Variants in RADIL observed in about 807,000 individuals in gnomAD.
The protein encoded by RADIL is ras-associating and dilute domain-containing protein.
Under a neutral mutation model 97.6 loss-of-function variants are expected in RADIL, and 99 were observed. That is an observed-to-expected ratio of 1.01 (90% CI 0.86 to 1.20). The LOEUF is 1.20. RADIL is among the 50% of genes most tolerant of loss of function. The pLI is 0.00. For missense variants in RADIL, 1,765 were observed against 1,498.9 expected (o/e 1.18, Z -2.93); for synonymous variants, 803 against 691.8 (o/e 1.16, Z -2.52).
In RADIL at chr7:4,860,608, G is replaced by A. The variant is rs1332799219; in HGVS notation, c.535+16997C>T. On this transcript the variant is annotated intron_variant, in intron 2 of 14. Coordinates refer to ENST00000399583, the MANE Select transcript of RADIL (RefSeq NM_018059.5). ...CATTCTTCTCCAAGCTCCCAACCAG[G>A]ATTCGGATCTTTGATTCCACCAAGC... 3 of 1,613,988 alleles carry A rather than the reference G, an allele frequency of 1.9e-6. No individual in the cohort carries two copies. In the Admixed American group the frequency reaches 5.0e-5, roughly 27 times the overall value.
chr7:4,800,081 C>T (rs984093493), intron 13 of RADIL, 90 bp downstream of exon 13: 36 of 1,443,614 alleles, frequency 2.5e-5, no homozygotes, highest in African/African-American at 4.2e-5. Context: ...CCTGTAGCCA[C>T]GTGGCCACGC....
Position 4,879,783 on chromosome 7 carries a change from CA to C in RADIL, c.-64-1581del, listed in dbSNP as rs1315349845. ...TAAACAGTGGAACCGCCCCAGCCTC[CA>C]AAGCTGACACTGCGAACTGGCCTCT... On this transcript the variant is annotated intron_variant, in intron 1 of 14. Coordinates refer to ENST00000399583, the MANE Select transcript of RADIL (RefSeq NM_018059.5). This position sits in a 1 kb window ranked among gnomAD's most constrained non-coding sequence, Gnocchi z 4.1. Among the ~76,000 whole-genome samples the C allele has an allele frequency of 5.5e-4, 84 of 152,312 alleles. No individual in the cohort carries two copies. The highest frequency in any genetic ancestry group is 2.0e-3 in the African/African-American group (83 of 41,566).
rs532368171 is a variant in RADIL at position 4,801,380 on chromosome 7, G to C, written c.2842+273C>G. 9.2e-4 allele frequency among the ~76,000 whole-genome samples: 140 copies of C among 152,312 alleles called. 1 individual carries two copies. The highest frequency in any genetic ancestry group is 3.2e-3 in the African/African-American group (132 of 41,560). On this transcript the variant is annotated intron_variant, in intron 12 of 14. Coordinates refer to ENST00000399583, the MANE Select transcript of RADIL (RefSeq NM_018059.5). ...ATCCCTTCCTCTGCCCAGTGCAGGA[G>C]TGACTCTGAGCCACTTTCTAGACTC...
In RADIL at chr7:4,872,012, G is replaced by A. The variant is rs1028022051; in HGVS notation, c.535+5593C>T. 7.9e-5 allele frequency among the ~76,000 whole-genome samples: 12 copies of A among 152,168 alleles called. No individual in the cohort carries two copies. Among genetic ancestry groups the A allele is most frequent in the African/African-American group, 2.7e-4 (11 of 41,440 alleles). The stretch of plus-strand genomic sequence containing the variant: ...ACGCATGAATGCCAAGACTCTGCAC[G>A]TCACCATCCCTGAGACCCTGGGTTT... On this transcript the variant is annotated intron_variant, in intron 2 of 14. Transcript: ENST00000399583. This position sits in a 1 kb window ranked among gnomAD's most constrained non-coding sequence, Gnocchi z 5.8.
Position 4,849,618 on chromosome 7 carries a change from G to A in RADIL, c.536-13013C>T, listed in dbSNP as rs1198769230. The stretch of plus-strand genomic sequence containing the variant: ...GTTATCTGCAACAAACCTGCAGACC[G>A]AATGGCAGGTGGCTTGGAAGAATGT... On this transcript the variant is annotated intron_variant, in intron 2 of 14. Transcript: ENST00000399583. This position sits in a 1 kb window ranked among gnomAD's most constrained non-coding sequence, Gnocchi z 5.4. 6.6e-6 allele frequency among the ~76,000 whole-genome samples: 1 copy of A among 152,180 alleles called. No individual in the cohort carries two copies. Among genetic ancestry groups the A allele is most frequent in the Admixed American group, 6.5e-5 (1 of 15,272 alleles).
At position 4,878,041 on chromosome 7, in the gene RADIL, G is replaced by C. The variant is rs1209761849; in HGVS notation, c.99C>G (p.Ser33Arg). ...LLSSMLSRTL[S>R]YKYRDLDSTF... ...TGGAGTCCAGGTCCCGGTACTTGTA[G>C]CTCAGCGTCCGGGACAGCATGCTGG... Residue 33 changes from serine (S) to arginine (R), a missense_variant, in exon 2 of 15, where the codon AGC becomes AGG. By Grantham distance (110) the Ser-to-Arg change is moderately radical. Coordinates refer to ENST00000399583, the MANE Select transcript of RADIL (RefSeq NM_018059.5). This position sits in a 1 kb window ranked among gnomAD's most constrained non-coding sequence, Gnocchi z 4.1. 6.2e-7 allele frequency: 1 copy of C among 1,607,672 alleles called. No homozygotes were observed. The highest frequency in any genetic ancestry group is 8.5e-7 in the Non-Finnish European group (1 of 1,177,924).
chr7:4,869,702 T>G (rs1158211909), intron 2 of RADIL, among the ~76,000 whole-genome samples: 1 of 152,204 alleles, frequency 6.6e-6, no homozygotes, highest in African/African-American at 2.4e-5. Context: ...TGTCTCTTCC[T>G]GCCCCTAAAA....
chr7:4,816,178 T>C, intron 8 of RADIL, 50 bp downstream of exon 8: 4 of 1,534,754 alleles, frequency 2.6e-6, no homozygotes, highest in Non-Finnish European at 1.8e-6. Context: ...GCAGCCGTCA[T>C]GTCCAGGAAT....
At chr7:4,841,737 G>A (rs1783444711) in intron 2 of RADIL, among the ~76,000 whole-genome samples, 1 of 152,188 alleles carries the variant, frequency 6.6e-6, no homozygotes, top group Non-Finnish European at 1.5e-5. Context: ...TGGGGTCCCA[G>A]CCTCAGAAGC....
Position 4,799,440 on chromosome 7 carries a change from G to A in RADIL, c.3166C>T (p.Leu1056=), listed in dbSNP as rs985451474. Residue 1056 remains leucine, a synonymous_variant, in exon 15 of 15, where the codon CTG becomes TTG. Transcript: ENST00000399583. ...GTTTCCACGTCGGACTTCGCGACCA[G>A]GAACCGCATCTTCTTCCCGCCATGA... is the stretch of plus-strand genomic sequence containing the variant. ...IRHGGKKMRF[L]VAKSDVETAK... 1.9e-6 allele frequency: 3 copies of A among 1,613,726 alleles called. No homozygotes were observed. Among genetic ancestry groups the A allele is most frequent in the South Asian group, 1.1e-5 (1 of 91,080 alleles).
intron 2 of RADIL, chr7:4,860,256 A>G: frequency 6.2e-7 from 1 of 1,613,966 alleles, no homozygotes; most frequent in Non-Finnish European, 8.5e-7. Flanking sequence ...CTGTCGTTCA[A>G]ATCTGTCAAT....
At chr7:4,861,832 G>A (rs1356880666) in intron 2 of RADIL, 2 of 1,256,760 alleles carry the variant, frequency 1.6e-6, no homozygotes, top group South Asian at 1.9e-5. Context: ...CGCCCCGCCA[G>A]GGCACGTCCC....
Position 4,817,798 on chromosome 7 carries a change from G to A in RADIL, c.1616-447C>T, listed in dbSNP as rs1222987453. Among the ~76,000 whole-genome samples the A allele has an allele frequency of 6.6e-6, 1 of 152,186 alleles. No homozygotes were observed. Among genetic ancestry groups the A allele is most frequent in the Admixed American group, 6.5e-5 (1 of 15,288 alleles). On this transcript the variant is annotated intron_variant, in intron 6 of 14. Transcript: ENST00000399583. This position sits in a 1 kb window ranked among gnomAD's most constrained non-coding sequence, Gnocchi z 8.3. ...TGTGGAATCATAAGTCTTTTGGGAA[G>A]AAAAAGCCCAAATCAGCTATTTCAC...
intron 2 of RADIL, among the ~76,000 whole-genome samples, chr7:4,847,434 C>T (rs904147189): frequency 4.1e-4 from 63 of 152,134 alleles, no homozygotes; most frequent in African/African-American, 1.3e-3. Flanking sequence ...AACAGCTTGT[C>T]GGTTTGTTAA....
rs779974951 is a variant in RADIL, at chr7:4,860,667, C to A, written c.535+16938G>T. 50 of 1,614,034 alleles carry A rather than the reference C, an allele frequency of 3.1e-5. No individual in the cohort carries two copies. In the South Asian group the frequency reaches 5.4e-4, roughly 17 times the overall value. Reference sequence around the variant, plus strand: ...TCTAAATGTTGTTTTTCTGTTGATGCACTTGCCAGAAGTACAATATAATGC... The same window carrying A: ...TCTAAATGTTGTTTTTCTGTTGATGAACTTGCCAGAAGTACAATATAATGC... On this transcript the variant is annotated intron_variant, in intron 2 of 14. Coordinates refer to ENST00000399583, the MANE Select transcript of RADIL (RefSeq NM_018059.5).
At chr7:4,811,284 C>G (rs549362842) in intron 9 of RADIL, 1 of 152,462 alleles carries the variant, frequency 6.6e-6, no homozygotes, top group Non-Finnish European at 1.5e-5. Flanking sequence ...TACACTCGGA[C>G]CAGCCTGAAA....
At chr7:4,836,279 G>A (rs1783296320) in intron 3 of RADIL, 79 bp downstream of exon 3, 1 of 1,540,966 alleles carries the variant, frequency 6.5e-7, no homozygotes, top group Non-Finnish European at 8.8e-7. Context: ...CTAAAGGCAG[G>A]CGGAGGCCTT....
chr7:4,822,252 G>A lies in RADIL; in HGVS notation c.1615+142C>T. ...GGCCGTCCCCGAGCAACTGACACAT[G>A]GCAGCCTAGGGACTGAGGAAGCCCC... On this transcript the variant is annotated intron_variant, in intron 6 of 14. Coordinates refer to ENST00000399583, the MANE Select transcript of RADIL (RefSeq NM_018059.5). This position sits in a 1 kb window ranked among gnomAD's most constrained non-coding sequence, Gnocchi z 5.3. 9.1e-7 allele frequency: 1 copy of A among 1,101,420 alleles called. No individual in the cohort carries two copies. The highest frequency in any genetic ancestry group is 1.3e-6 in the Non-Finnish European group (1 of 796,566). 68.2% of individuals were successfully genotyped at this position (1,101,420 alleles called of 1,614,324 possible).
chr7:4,855,495 A>G (rs1783805162), intron 2 of RADIL, among the ~76,000 whole-genome samples: 1 of 152,018 alleles, frequency 6.6e-6, no homozygotes, highest in South Asian at 2.1e-4. Context: ...TGTGCTAGAT[A>G]AGACCAAGCT....
Sources: gnomAD v4.1 joint callset for allele counts (sites outside exome capture counted in the v4.1 genomes callset) on GRCh38, gnomAD v4.1.1 for gene constraint, Gnocchi (gnomAD v3.1) non-coding constraint, MANE v1.5 for transcripts, NCBI Gene and HGNC (gene_info 2026-07-23, HGNC 2026-07-21) for gene names.